UGGT2: variants seen among roughly 807,000 people sequenced by gnomAD.
UGGT2 encodes the protein UDP-glucose:glycoprotein glucosyltransferase 2.
UGGT2 carries 180 observed loss-of-function variants against 192.1 expected under a neutral mutation model. The ratio of observed to expected loss-of-function variants is 0.94; its 90% confidence interval spans 0.83 to 1.06. UGGT2 has a LOEUF of 1.06. Ranked by LOEUF, UGGT2 falls within the 50% of genes least tolerant of loss-of-function variation. UGGT2 has a pLI of 0.00. For missense variants in UGGT2, 1,849 were observed against 1,795.7 expected (o/e 1.03, Z -0.54); for synonymous variants, 580 against 591.0 (o/e 0.98, Z 0.27).
Position 95,884,619 on chromosome 13 carries a change from C to T in UGGT2, c.3100G>A (p.Gly1034Arg), listed in dbSNP as rs774972366. 1 of 1,613,826 alleles carries T rather than the reference C, an allele frequency of 6.2e-7. No individual in the cohort carries two copies. The highest frequency in any genetic ancestry group is 1.7e-5 in the Admixed American group (1 of 60,006). The change falls in exon 27 of 39, where the codon GGA becomes AGA. Residue 1034 changes from glycine to arginine, a missense_variant. Coordinates refer to ENST00000376747, the MANE Select transcript of UGGT2 (RefSeq NM_020121.4). Reference sequence around the variant, plus strand: ...ATATCCAAAAATTTTGCCACTGGTCCAAGAGAAGAAACGTCATTAGCCCCT... The same window carrying T: ...ATATCCAAAAATTTTGCCACTGGTCTAAGAGAAGAAACGTCATTAGCCCCT... The part of the protein sequence containing the change: ...MSGANDVSSL[G>R]PVAKFLDIPE...
intron 22 of UGGT2, among the ~76,000 whole-genome samples, chr13:95,896,937 A>T (rs1413987156): frequency 2.0e-5 from 3 of 151,998 alleles, no homozygotes; most frequent in Non-Finnish European, 4.4e-5. Context: ...ATTGCAGAAA[A>T]CTCTGTCAGA....
chr13:95,860,508 G>A (rs1181732818), intron 32 of UGGT2, among the ~76,000 whole-genome samples: 1 of 149,328 alleles, frequency 6.7e-6, no homozygotes, highest in Non-Finnish European at 1.5e-5. Context: ...AAAGCAAGGT[G>A]TAAAGTAGTA....
At chr13:95,839,160 AC>A (rs1002052915) in intron 36 of UGGT2, among the ~76,000 whole-genome samples, 2 of 151,244 alleles carry the variant, frequency 1.3e-5, no homozygotes, top group South Asian at 2.1e-4. Context: ...CACACACACT[AC>A]CCCCCATGCC....
rs552996857 is a variant in UGGT2, at chr13:96,006,491, G to A, written c.660+6816C>T. On this transcript the variant is annotated intron_variant, in intron 5 of 38. Transcript: ENST00000376747. ...AATACAAAAACTAGCCAGGCATGGTGGTGTGTGCCTGTAATCCCAGCTACT... is the reference window on the plus strand; with the variant it reads ...AATACAAAAACTAGCCAGGCATGGTAGTGTGTGCCTGTAATCCCAGCTACT... 1.1e-3 allele frequency among the ~76,000 whole-genome samples: 160 copies of A among 152,052 alleles called. 2 individuals carry two copies. The highest frequency in any genetic ancestry group is 0.01 in the Admixed American group (157 of 15,274).
chr13:95,982,412 C>T (rs1331883817), intron 10 of UGGT2, among the ~76,000 whole-genome samples: 1 of 152,190 alleles, frequency 6.6e-6, no homozygotes, highest in Admixed American at 6.5e-5. Flanking sequence ...TCCCTTCTTT[C>T]CAGTCCACAT....
rs774944236 is a variant in UGGT2 at position 95,986,438 on chromosome 13, AG to A, written c.932-7del. On this transcript the variant is annotated splice_polypyrimidine_tract_variant and splice_region_variant and intron_variant, in intron 8 of 38. Coordinates refer to ENST00000376747, the MANE Select transcript of UGGT2 (RefSeq NM_020121.4). The stretch of plus-strand genomic sequence containing the variant: ...AGCTGCTTGAAAACTAAGATCTGGA[AG>A]GAAAAATATTATTAAGGAATCTAGC... The A allele has an allele frequency of 5.7e-6, 9 of 1,565,632 alleles. No homozygotes were observed. Among genetic ancestry groups the A allele is most frequent in the African/African-American group, 2.7e-5 (2 of 73,952 alleles).
At chr13:95,908,796 T>C (rs1217449128) in intron 20 of UGGT2, among the ~76,000 whole-genome samples, 4 of 130,506 alleles carry the variant, frequency 3.1e-5, no homozygotes, top group African/African-American at 1.1e-4. Context: ...ATGGGGTTGT[T>C]TGTTTTTTTC....
intron 4 of UGGT2, among the ~76,000 whole-genome samples, chr13:96,020,938 C>T (rs1172979915): frequency 6.6e-6 from 1 of 152,188 alleles, no homozygotes; most frequent in Non-Finnish European, 1.5e-5. Context: ...CTTTACTGCT[C>T]ATGACATAGA....
At chr13:96,017,930 T>C (rs1402303733) in intron 4 of UGGT2, among the ~76,000 whole-genome samples, 1 of 152,118 alleles carries the variant, frequency 6.6e-6, no homozygotes, top group African/African-American at 2.4e-5. Flanking sequence ...GACACTAAAT[T>C]TTACAGTATC....
intron 20 of UGGT2, among the ~76,000 whole-genome samples, chr13:95,913,483 G>A (rs2048573114): frequency 6.6e-6 from 1 of 152,118 alleles, no homozygotes; most frequent in Non-Finnish European, 1.5e-5. Flanking sequence ...CAGACACATG[G>A]AAAAATGCTC....
chr13:95,853,520 T>C, intron 36 of UGGT2, 23 bp downstream of exon 36: 1 of 1,597,624 alleles, frequency 6.3e-7, no homozygotes, highest in African/African-American at 1.3e-5. Context: ...CACTCAAAAT[T>C]ATTCTGTTAA....
rs1323669722 is a variant in UGGT2 at position 96,053,275 on chromosome 13, A to G, written c.38T>C (p.Leu13Pro). ...AAGCCACAGCGCTGTGGAGCCTAGTAGCAGCCGCACCACGTTCGTGGCTTT... is the reference window on the plus strand; with the variant it reads ...AAGCCACAGCGCTGTGGAGCCTAGTGGCAGCCGCACCACGTTCGTGGCTTT... The part of the protein sequence containing the change: ...PAKATNVVRL[L>P]LGSTALWLSQ... The change falls in exon 1 of 39, where the codon CTA (leucine) becomes CCA (proline). Residue 13 changes from leucine to proline, a missense_variant. Physicochemically the swap from Leu to Pro is moderately conservative, Grantham distance 98. Coordinates refer to ENST00000376747, the MANE Select transcript of UGGT2 (RefSeq NM_020121.4). The G allele has an allele frequency of 6.3e-7, 1 of 1,577,842 alleles. No individual in the cohort carries two copies. The highest frequency in any genetic ancestry group is 1.7e-4 in the Middle Eastern group (1 of 5,748).
intron 10 of UGGT2, among the ~76,000 whole-genome samples, chr13:95,982,913 T>A (rs1218909364): frequency 1.3e-5 from 2 of 152,224 alleles, no homozygotes; most frequent in Non-Finnish European, 2.9e-5. Flanking sequence ...GAACTATGCA[T>A]CTTTTTCTTC....
intron 22 of UGGT2, 113 bp from the exon 23 acceptor site, chr13:95,895,417 T>A: frequency 1.5e-6 from 1 of 646,750 alleles, no homozygotes; most frequent in Non-Finnish European, 2.3e-6. Context: ...AATTAGAGAT[T>A]AAAGATATGG....
intron 15 of UGGT2, among the ~76,000 whole-genome samples, chr13:95,944,806 T>C (rs2049809572): frequency 6.6e-6 from 1 of 152,006 alleles, no homozygotes; most frequent in African/African-American, 2.4e-5. Context: ...GATATTATAT[T>C]TGCCTTTAAA....
At chr13:95,984,278 A>C (rs1325701887) in intron 9 of UGGT2, among the ~76,000 whole-genome samples, 1 of 152,168 alleles carries the variant, frequency 6.6e-6, no homozygotes, top group East Asian at 1.9e-4. Flanking sequence ...GTTCTAAAAA[A>C]CTGAAATCAT....
At chr13:95,810,778 A>G (rs952674236) in intron 38 of UGGT2, among the ~76,000 whole-genome samples, 6 of 152,248 alleles carry the variant, frequency 3.9e-5, no homozygotes, top group Non-Finnish European at 5.9e-5. Flanking sequence ...AGTATCAAAA[A>G]TATAAACATT....
At chr13:95,855,148 G>A (rs1043509444) in intron 34 of UGGT2, among the ~76,000 whole-genome samples, 4 of 148,434 alleles carry the variant, frequency 2.7e-5, no homozygotes, top group Admixed American at 6.7e-5. Flanking sequence ...TTAGCCAGGC[G>A]TGGTGGTGTG....
chr13:95,960,993 G>C (rs769209381), intron 12 of UGGT2, among the ~76,000 whole-genome samples: 2 of 152,126 alleles, frequency 1.3e-5, no homozygotes, highest in Non-Finnish European at 2.9e-5. Flanking sequence ...AAAAGCTGAG[G>C]GAATTCTTCA....
Sources: gnomAD v4.1 joint callset for allele counts (sites outside exome capture counted in the v4.1 genomes callset) on GRCh38, gnomAD v4.1.1 for gene constraint, MANE v1.5 for transcripts, NCBI Gene and HGNC (gene_info 2026-07-23, HGNC 2026-07-21) for gene names.